The following SHTN1 variants were observed in gnomAD, a reference collection of about 807,000 sequenced individuals.
The protein encoded by SHTN1 is shootin-1.
A neutral mutation model predicts 83.1 loss-of-function variants in SHTN1; 42 were observed. That is an observed-to-expected ratio of 0.51 (90% CI 0.39 to 0.65). The LOEUF (loss-of-function observed/expected upper bound fraction) is 0.65, where lower values mean the gene tolerates loss of function less well. Ranked by LOEUF, SHTN1 falls within the 30% of genes least tolerant of loss-of-function variation. SHTN1 has a pLI of 0.00. For missense variants in SHTN1, 622 were observed against 737.8 expected, an observed-to-expected ratio of 0.84 and a Z score of 1.82; for synonymous variants, 224 against 247.7, an observed-to-expected ratio of 0.90 and a Z score of 0.90.
At chr10:116,923,605 G>C (rs756324533) in intron 11 of SHTN1, among the ~76,000 whole-genome samples, 1 of 151,664 alleles carries the variant, frequency 6.6e-6, no homozygotes, top group African/African-American at 2.4e-5. Context: ...GCCCATGCTG[G>C]AGTACAAGGG....
intron 16 of SHTN1, among the ~76,000 whole-genome samples, chr10:116,896,995 T>G (rs995513269): frequency 6.6e-6 from 1 of 152,028 alleles, no homozygotes; most frequent in Non-Finnish European, 1.5e-5. Context: ...TTAGTAGAGA[T>G]AGGGTTTTGC....
chr10:116,955,600 T>C lies in SHTN1; in HGVS notation c.268-1390A>G, dbSNP rs571642132. On this transcript the variant is annotated intron_variant, in intron 4 of 16. Coordinates refer to ENST00000355371, the MANE Select transcript of SHTN1 (RefSeq NM_001127211.3). ...GACTTTGCTCTTTCATTTGTGATCA[T>C]AATTAGGGTTCCTCAGGGTTTCTCA... Among the ~76,000 whole-genome samples, 4 of 152,314 alleles carry C rather than the reference T, an allele frequency of 2.6e-5. No homozygotes were observed. The East Asian group carries it at 7.7e-4, about 29-fold the overall frequency.
At chr10:116,951,284 G>A (rs187569895) in intron 6 of SHTN1, among the ~76,000 whole-genome samples, 11 of 152,256 alleles carry the variant, frequency 7.2e-5, no homozygotes, top group African/African-American at 2.4e-4. Flanking sequence ...TCAGGCAGGC[G>A]TGGTGACGCA....
chr10:117,086,693 C>G (rs780443840), intron 1 of SHTN1, among the ~76,000 whole-genome samples: 1 of 152,098 alleles, frequency 6.6e-6, no homozygotes, highest in African/African-American at 2.4e-5. Flanking sequence ...AAAAGGTCAG[C>G]GAGTCCTCAA....
intron 1 of SHTN1, among the ~76,000 whole-genome samples, chr10:116,996,663 T>G (rs1851637649): frequency 6.6e-6 from 1 of 152,198 alleles, no homozygotes; most frequent in Non-Finnish European, 1.5e-5. Flanking sequence ...ATGTCTCTTA[T>G]TAAGTATTTG....
chr10:116,921,516 T>A lies in SHTN1; in HGVS notation c.1113A>T (p.Arg371=). 1.9e-6 allele frequency: 3 copies of A among 1,610,780 alleles called. No individual in the cohort carries two copies. Among genetic ancestry groups the A allele is most frequent in the Non-Finnish European group, 2.5e-6 (3 of 1,178,560 alleles). Residue 371 remains arginine, a splice_region_variant and synonymous_variant, in exon 12 of 17, where the codon CGA becomes CGT. Transcript: ENST00000355371. The part of the protein sequence containing the change: ...PLPPPPPNPI[R]SLMSMIRKRS... ...GTTTCCGGATCATGGACATGAGGGA[T>A]CTTTGGGAGAAAGAAAAAGATCAAC... is the stretch of plus-strand genomic sequence containing the variant.
intron 2 of SHTN1, among the ~76,000 whole-genome samples, chr10:117,039,001 A>G (rs1395770592): frequency 1.3e-5 from 2 of 152,206 alleles, no homozygotes; most frequent in African/African-American, 4.8e-5. Flanking sequence ...TATTTACCCA[A>G]AAAGAGTTAA....
intron 9 of SHTN1, among the ~76,000 whole-genome samples, chr10:116,935,651 T>G (rs547192150): frequency 6.6e-6 from 1 of 152,240 alleles, no homozygotes; most frequent in South Asian, 2.1e-4. Context: ...TTCTGCCAGG[T>G]TTTGGTATCA....
intron 1 of SHTN1, among the ~76,000 whole-genome samples, chr10:117,092,263 G>A (rs750544516): frequency 6.6e-6 from 1 of 152,156 alleles, no homozygotes; most frequent in Non-Finnish European, 1.5e-5. Context: ...GAACATAATA[G>A]GTTAGGTTAT....
intron 16 of SHTN1, among the ~76,000 whole-genome samples, chr10:116,890,009 G>A (rs538541177): frequency 3.9e-5 from 6 of 152,246 alleles, no homozygotes; most frequent in East Asian, 1.9e-4. Flanking sequence ...CCACAGAGCC[G>A]CATCAGTGAT....
intron 13 of SHTN1, among the ~76,000 whole-genome samples, chr10:116,913,172 T>C (rs1740014758): frequency 6.6e-6 from 1 of 152,266 alleles, no homozygotes; most frequent in African/African-American, 2.4e-5. Flanking sequence ...GCTGTGACGT[T>C]CAAACAAATG....
chr10:117,094,968 ATTAG>A (rs1853484834), intron 1 of SHTN1, among the ~76,000 whole-genome samples: 1 of 152,240 alleles, frequency 6.6e-6, no homozygotes, highest in African/African-American at 2.4e-5. Flanking sequence ...ATCGGAGACA[ATTAG>A]ACAGTGTCAG....
chr10:117,103,447 T>C (rs1853624996), intron 1 of SHTN1, among the ~76,000 whole-genome samples: 1 of 152,016 alleles, frequency 6.6e-6, no homozygotes. Context: ...CCATGTTTTC[T>C]ACATACTTTT....
At chr10:117,088,960 T>C (rs1249649531) in intron 1 of SHTN1, among the ~76,000 whole-genome samples, 5 of 152,156 alleles carry the variant, frequency 3.3e-5, no homozygotes, top group African/African-American at 9.7e-5. Flanking sequence ...CCCATTCCTC[T>C]CTATATCCCT....
At chr10:116,901,631 T>A in intron 16 of SHTN1, 134 bp downstream of exon 16, 1 of 1,355,322 alleles carries the variant, frequency 7.4e-7, no homozygotes. Flanking sequence ...AGCTGGCCCA[T>A]CAAATGAAAA....
At chr10:117,086,234 G>A (rs2133616555) in intron 1 of SHTN1, among the ~76,000 whole-genome samples, 1 of 152,268 alleles carries the variant, frequency 6.6e-6, no homozygotes, top group South Asian at 2.1e-4. Flanking sequence ...ACCGCGCCCG[G>A]CCGTCTGAAA....
chr10:117,092,347 CT>C (rs1364101260), intron 1 of SHTN1, among the ~76,000 whole-genome samples: 1 of 152,192 alleles, frequency 6.6e-6, no homozygotes, highest in African/African-American at 2.4e-5. Flanking sequence ...TCTCTTGCTG[CT>C]GCATATGAAA....
At chr10:117,066,764 G>C (rs1276860936) in intron 1 of SHTN1, among the ~76,000 whole-genome samples, 3 of 152,202 alleles carry the variant, frequency 2.0e-5, no homozygotes. Flanking sequence ...GTGGGACTTA[G>C]AAGACTTCTT....
chr10:117,054,377 T>C (rs1007422285), intron 1 of SHTN1, among the ~76,000 whole-genome samples: 5 of 152,046 alleles, frequency 3.3e-5, no homozygotes, highest in Non-Finnish European at 4.4e-5. Context: ...ATCCAGTATA[T>C]TGTGCTGACT....
Sources: gnomAD v4.1 joint callset for allele counts (sites outside exome capture counted in the v4.1 genomes callset) on GRCh38, gnomAD v4.1.1 for gene constraint, MANE v1.5 for transcripts, NCBI Gene and HGNC (gene_info 2026-07-23, HGNC 2026-07-21) for gene names.